Variants in HRG observed in about 807,000 individuals in gnomAD.
The protein encoded by HRG is histidine rich glycoprotein, also known as histidine-rich glycoprotein.
Under a neutral mutation model 29.5 loss-of-function variants are expected in HRG, and 26 were observed. The observed-to-expected ratio is 0.88, with a 90% confidence interval of 0.65 to 1.22. HRG has a LOEUF of 1.22. Among genes scored for constraint, HRG ranks in the 50% most tolerant of loss-of-function variants. The pLI is 0.00. For missense variants in HRG, 671 were observed against 654.5 expected, an observed-to-expected ratio of 1.03 and a Z score of -0.28; for synonymous variants, 243 against 240.4, an observed-to-expected ratio of 1.01 and a Z score of -0.10.
intron 1 of HRG, among the ~76,000 whole-genome samples, chr3:186,666,418 G>C (rs1718613091): frequency 6.6e-6 from 1 of 152,142 alleles, no homozygotes. Context: ...TTCGATTTGT[G>C]GGTACATATA....
In HRG at chr3:186,677,451, T is replaced by A. The variant is rs1043785190; in HGVS notation, c.1146T>A (p.His382Gln). The A allele has an allele frequency of 6.3e-7, 1 of 1,592,416 alleles. No individual in the cohort carries two copies. The highest frequency in any genetic ancestry group is 1.8e-5 in the Admixed American group (1 of 55,760). ...HEHDTHRQHP[H>Q]GHHPHGHHPH... The stretch of plus-strand genomic sequence containing the variant: ...ATGATACCCATAGACAGCATCCCCA[T>A]GGACACCACCCCCATGGACACCATC... Residue 382 changes from histidine to glutamine, a missense_variant, in exon 7 of 7, where the codon CAT (histidine) becomes CAA (glutamine). Transcript: ENST00000232003.
At chr3:186,667,887 C>T (rs555034857) in intron 1 of HRG, among the ~76,000 whole-genome samples, 1 of 152,076 alleles carries the variant, frequency 6.6e-6, no homozygotes, top group East Asian at 1.9e-4. Context: ...CTAGAGGAGC[C>T]GATAGACATT....
chr3:186,676,921 C>T (rs1252681021), intron 6 of HRG, 126 bp from the exon 7 acceptor site: 32 of 1,071,388 alleles, frequency 3.0e-5, no homozygotes, highest in Admixed American at 9.7e-5. Flanking sequence ...AATCTTTTTT[C>T]GTAATACTTT....
intron 6 of HRG, 44 bp downstream of exon 6, chr3:186,675,234 G>C (rs912501172): frequency 8.4e-7 from 1 of 1,184,992 alleles, no homozygotes. Context: ...GCCAGATTAA[G>C]TGACATACGT....
chr3:186,677,023 G>T, intron 6 of HRG, 24 bp from the exon 7 acceptor site: 1 of 1,613,870 alleles, frequency 6.2e-7, no homozygotes. Flanking sequence ...ATGATGATAG[G>T]CACTTTTCTG....
chr3:186,672,725 A>C, intron 4 of HRG, 62 bp from the exon 5 acceptor site: 1 of 1,041,512 alleles, frequency 9.6e-7, no homozygotes, highest in Non-Finnish European at 1.5e-6. Context: ...GTAGTTATCT[A>C]CTGCTTTTTT....
chr3:186,671,046 C>T (rs1159106862), intron 3 of HRG, among the ~76,000 whole-genome samples: 1 of 151,676 alleles, frequency 6.6e-6, no homozygotes, highest in East Asian at 1.9e-4. Context: ...TTGGCAACAA[C>T]AGGAAGAACT....
At chr3:186,669,098 C>T in intron 2 of HRG, 47 bp downstream of exon 2, 1 of 1,053,212 alleles carries the variant, frequency 9.5e-7, no homozygotes, top group Non-Finnish European at 1.5e-6. Flanking sequence ...TTCTTATTTT[C>T]CATCTACTCT....
rs748559861 is a variant in HRG, at chr3:186,672,828, G to A, written c.600G>A (p.Val200=). 1 of 1,612,896 alleles carries A rather than the reference G, an allele frequency of 6.2e-7. No homozygotes were observed. The highest frequency in any genetic ancestry group is 8.5e-7 in the Non-Finnish European group (1 of 1,178,916). The change falls in exon 5 of 7, where the codon GTG becomes GTA. Residue 200 remains valine, a synonymous_variant. Coordinates refer to ENST00000232003, the MANE Select transcript of HRG (RefSeq NM_000412.5). ...CTGGTTACTTCGTGGACTTCTCTGT[G>A]CGGAACTGCCCCAGACACCATTTCC... is the stretch of plus-strand genomic sequence containing the variant. ...EGTGYFVDFS[V]RNCPRHHFPR... is the part of the protein sequence containing the mutation.
intron 5 of HRG, chr3:186,674,718 C>G (rs1274671406): frequency 3.5e-5 from 12 of 338,398 alleles, no homozygotes; most frequent in Non-Finnish European, 6.9e-5. Flanking sequence ...TTGTAAAAAT[C>G]CCTCTTTGAC....
Position 186,672,960 on chromosome 3 carries a change from G to C in HRG, c.639+93G>C, listed in dbSNP as rs1404336503. ...AGGAGAAGGAGAAGGAGAGGAAGGA[G>C]AAGAAGGAGAAGAGGAATGAGAAGG... On this transcript the variant is annotated intron_variant, in intron 5 of 6. Coordinates refer to ENST00000232003, the MANE Select transcript of HRG (RefSeq NM_000412.5). 3.6e-6 allele frequency: 3 copies of C among 830,284 alleles called. No individual in the cohort carries two copies. The African/African-American group carries it at 5.2e-5, about 14-fold the overall frequency. The allele number at this position is 830,284 out of a possible 1,614,324, so 51.4% of individuals were successfully genotyped here.
chr3:186,669,448 C>T, intron 2 of HRG: 1 of 338,346 alleles, frequency 3.0e-6, no homozygotes. Flanking sequence ...GAACAATGGT[C>T]CTATTTTCAG....
intron 1 of HRG, chr3:186,668,703 T>C: frequency 2.0e-6 from 1 of 506,654 alleles, no homozygotes. Flanking sequence ...TGATAGCTTC[T>C]TCAAGTTTAT....
At position 186,677,782 on chromosome 3, in the gene HRG, A is replaced by G; in HGVS notation, c.1477A>G (p.Asn493Asp). ...PHHKHPLKPD[N>D]QPFPQSVSES... Reference sequence around the variant, plus strand: ...CCACAAACATCCTCTAAAGCCAGACAATCAGCCCTTTCCTCAATCAGTCTC... The same window carrying G: ...CCACAAACATCCTCTAAAGCCAGACGATCAGCCCTTTCCTCAATCAGTCTC... The change falls in exon 7 of 7, where the codon AAT (asparagine) becomes GAT (aspartate). Residue 493 changes from asparagine (N) to aspartate (D), a missense_variant. Transcript: ENST00000232003. 1 of 1,614,116 alleles carries G rather than the reference A, an allele frequency of 6.2e-7. No homozygotes were observed.
chr3:186,666,064 C>G lies in HRG; in HGVS notation c.33C>G (p.Ile11Met), dbSNP rs749626630. 1.9e-6 allele frequency: 3 copies of G among 1,614,210 alleles called. No individual in the cohort carries two copies. The Admixed American group carries it at 5.0e-5, about 27-fold the overall frequency. MKALIAALLLITLQYSCAVSP... is the reference protein window; with the variant it reads MKALIAALLLMTLQYSCAVSP... ...CACTCATTGCAGCACTGCTTTTGAT[C>G]ACATTGCAGTATTCGTGTGCCGTGA... is the stretch of plus-strand genomic sequence containing the variant. Residue 11 changes from isoleucine to methionine, a missense_variant, in exon 1 of 7, where the codon ATC becomes ATG. Ile to Met is a conservative substitution (Grantham distance 10, BLOSUM62 1). Coordinates refer to ENST00000232003, the MANE Select transcript of HRG (RefSeq NM_000412.5).
chr3:186,672,693 C>A, intron 4 of HRG, 94 bp from the exon 5 acceptor site: 1 of 813,938 alleles, frequency 1.2e-6, no homozygotes, highest in Non-Finnish European at 2.1e-6. Context: ...AATTCTCATA[C>A]TGCCTTAAAA....
chr3:186,671,176 C>G (rs964077039), intron 3 of HRG, among the ~76,000 whole-genome samples: 1 of 149,030 alleles, frequency 6.7e-6, no homozygotes, highest in Non-Finnish European at 1.5e-5. Context: ...CAATGTGACT[C>G]AACCCCATCT....
At chr3:186,671,219 C>G (rs967510114) in intron 3 of HRG, among the ~76,000 whole-genome samples, 6 of 90,796 alleles carry the variant, frequency 6.6e-5, no homozygotes, top group Non-Finnish European at 8.5e-5. Context: ...ATATATATAT[C>G]ATATTAATAC....
At position 186,677,608 on chromosome 3, in the gene HRG, C is replaced by A; in HGVS notation, c.1303C>A (p.Pro435Thr). The A allele has an allele frequency of 1.2e-6, 2 of 1,614,176 alleles. No homozygotes were observed. The highest frequency in any genetic ancestry group is 2.2e-5 in the South Asian group (2 of 91,082). ...CTGTTGCCATGGCCACGGCCCACCA[C>A]CTGGGCACTTAAGAAGGCGAGGCCC... ...GHCCHGHGPPPGHLRRRGPGK... is the reference protein window; with the variant it reads ...GHCCHGHGPPTGHLRRRGPGK... The change falls in exon 7 of 7, where the codon CCT (proline) becomes ACT (threonine). Residue 435 changes from proline (P) to threonine (T), a missense_variant. Transcript: ENST00000232003.
Sources: allele counts gnomAD v4.1 joint callset (sites outside exome capture counted in the v4.1 genomes callset), GRCh38; gene constraint gnomAD v4.1.1; transcripts MANE v1.5; gene names NCBI Gene and HGNC (gene_info 2026-07-23, HGNC 2026-07-21).